HECW2: variants seen among roughly 807,000 people sequenced by gnomAD.
HECW2 encodes HECT, C2 and WW domain containing E3 ubiquitin protein ligase 2, also known as E3 ubiquitin-protein ligase HECW2.
In HECW2, 61 loss-of-function variants were observed where a neutral mutation model predicts 175.2. That is an observed-to-expected ratio of 0.35 (90% CI 0.28 to 0.43). The LOEUF (loss-of-function observed/expected upper bound fraction) is 0.43. HECW2 is among the 20% of genes least tolerant of loss of function. The probability of loss-of-function intolerance (pLI) is 1.00; values close to 1 mark genes in which losing one functional copy is unlikely to be tolerated. For missense variants in HECW2, 1,524 were observed against 2,000.5 expected, an observed-to-expected ratio of 0.76 and a Z score of 4.54; for synonymous variants, 671 against 731.0, an observed-to-expected ratio of 0.92 and a Z score of 1.32.
At chr2:196,534,324 G>A (rs1688946592) in intron 1 of HECW2, among the ~76,000 whole-genome samples, 1 of 151,946 alleles carries the variant, frequency 6.6e-6, no homozygotes, top group South Asian at 2.1e-4. Context: ...CTTCAACTAT[G>A]TAGCCCTTCC....
intron 1 of HECW2, among the ~76,000 whole-genome samples, chr2:196,548,093 G>T (rs1484851113): frequency 6.6e-6 from 1 of 152,106 alleles, no homozygotes; most frequent in Non-Finnish European, 1.5e-5. Context: ...ACTTTGGGAG[G>T]CTAAGATGGG....
chr2:196,503,581 C>T (rs934745127), intron 1 of HECW2, among the ~76,000 whole-genome samples: 2 of 152,110 alleles, frequency 1.3e-5, no homozygotes, highest in African/African-American at 4.8e-5. Flanking sequence ...CTCACCCAGT[C>T]GGCCAATAGC....
intron 2 of HECW2, among the ~76,000 whole-genome samples, chr2:196,374,039 A>AAAAAG (rs1559074047): frequency 7.5e-6 from 1 of 132,760 alleles, no homozygotes; most frequent in African/African-American, 3.5e-5. Context: ...CTCAAAAAAA[A>AAAAAG]TAAAATAAAA....
At chr2:196,546,520 T>G (rs1228578954) in intron 1 of HECW2, among the ~76,000 whole-genome samples, 2 of 152,218 alleles carry the variant, frequency 1.3e-5, no homozygotes, top group Admixed American at 6.5e-5. Context: ...AGAAATCTGG[T>G]GTGTGACTTC....
At chr2:196,301,796 T>C (rs916599018) in intron 13 of HECW2, among the ~76,000 whole-genome samples, 4 of 151,934 alleles carry the variant, frequency 2.6e-5, no homozygotes, top group African/African-American at 7.3e-5. Flanking sequence ...CTTTGTCACA[T>C]GGACAGACTA....
chr2:196,386,450 C>G (rs1435698856), intron 2 of HECW2, among the ~76,000 whole-genome samples: 4 of 152,120 alleles, frequency 2.6e-5, no homozygotes, highest in Non-Finnish European at 5.9e-5. Flanking sequence ...TGCTAACATG[C>G]TTGAGAAGCA....
At position 196,562,134 on chromosome 2, in the gene HECW2, T is replaced by C. The variant is rs1696232370; in HGVS notation, c.-36+31374A>G. On this transcript the variant is annotated intron_variant, in intron 1 of 28. Coordinates refer to ENST00000644978, the MANE Select transcript of HECW2 (RefSeq NM_001348768.2). ...CCTAAATAATGATACGCTGAATAGA[T>C]TTGCAGGTGGTTAAGCAGAATATCC... 2.0e-5 allele frequency among the ~76,000 whole-genome samples: 3 copies of C among 152,160 alleles called. No individual in the cohort carries two copies. The South Asian group carries it at 6.2e-4, about 32-fold the overall frequency.
chr2:196,253,886 C>T, intron 19 of HECW2, 34 bp downstream of exon 19: 1 of 1,600,406 alleles, frequency 6.2e-7, no homozygotes, highest in Non-Finnish European at 8.6e-7. Flanking sequence ...GTTCACTCCT[C>T]AGAGAATTCA....
chr2:196,225,008 C>T (rs112631873), intron 23 of HECW2, among the ~76,000 whole-genome samples: 240 of 152,240 alleles, frequency 1.6e-3, no homozygotes, highest in African/African-American at 5.0e-3. Flanking sequence ...TAAGCAAGTG[C>T]GTGGCCTCAG....
At chr2:196,576,513 C>A (rs548639043) in intron 1 of HECW2, among the ~76,000 whole-genome samples, 13 of 152,148 alleles carry the variant, frequency 8.5e-5, no homozygotes, top group Non-Finnish European at 1.9e-4. Flanking sequence ...AACAGTCCAA[C>A]TCAGACGCAC....
At chr2:196,460,877 G>A (rs780661461) in intron 1 of HECW2, among the ~76,000 whole-genome samples, 12 of 145,808 alleles carry the variant, frequency 8.2e-5, no homozygotes, top group Non-Finnish European at 3.0e-5. Context: ...CTCCTACCTC[G>A]GACTCCCAAA....
chr2:196,562,589 C>G (rs932217660), intron 1 of HECW2, among the ~76,000 whole-genome samples: 1 of 152,186 alleles, frequency 6.6e-6, no homozygotes, highest in African/African-American at 2.4e-5. Flanking sequence ...AAACCCCAGC[C>G]TTATCACTGC....
intron 5 of HECW2, among the ~76,000 whole-genome samples, chr2:196,328,851 A>C (rs1184299777): frequency 6.6e-6 from 1 of 152,198 alleles, no homozygotes; most frequent in Non-Finnish European, 1.5e-5. Flanking sequence ...AAACTTTTTC[A>C]ACAGTGTCCT....
chr2:196,222,001 C>A (rs982175991), intron 24 of HECW2, among the ~76,000 whole-genome samples: 1 of 152,202 alleles, frequency 6.6e-6, no homozygotes, highest in Non-Finnish European at 1.5e-5. Flanking sequence ...ACAGTTATCA[C>A]CATCTGTAAT....
chr2:196,479,441 T>C (rs1217024861), intron 1 of HECW2, among the ~76,000 whole-genome samples: 1 of 152,302 alleles, frequency 6.6e-6, no homozygotes, highest in South Asian at 2.1e-4. Flanking sequence ...AGTTCTTCCT[T>C]GTGCAGGGAT....
chr2:196,563,282 C>A (rs1227713012), intron 1 of HECW2, among the ~76,000 whole-genome samples: 1 of 151,814 alleles, frequency 6.6e-6, no homozygotes, highest in African/African-American at 2.4e-5. Flanking sequence ...ATATTCATTC[C>A]TGGCTGGGCA....
At chr2:196,345,164 C>T (rs909029834) in intron 2 of HECW2, among the ~76,000 whole-genome samples, 1 of 152,150 alleles carries the variant, frequency 6.6e-6, no homozygotes, top group Non-Finnish European at 1.5e-5. Flanking sequence ...ATAAACAATG[C>T]GAGCAAACAA....
At chr2:196,242,682 C>CT (rs1157719695) in intron 19 of HECW2, 1,208 of 86,616 alleles carry the variant, frequency 0.014, 7 homozygotes, top group Non-Finnish European at 0.017. Flanking sequence ...CCTCATGAAA[C>CT]TTTTTTTTTT....
At position 196,307,213 on chromosome 2, in the gene HECW2, G is replaced by C; in HGVS notation, c.2606C>G (p.Thr869Ser). Residue 869 changes from threonine (T) to serine (S), a missense_variant, in exon 12 of 29, where the codon ACC becomes AGC. Physicochemically the swap from Thr to Ser is moderately conservative, Grantham distance 58. Coordinates refer to ENST00000644978, the MANE Select transcript of HECW2 (RefSeq NM_001348768.2). ...TTCCTCAGGCCTCTCATTGGTCATG[G>C]TTCTGCGGATACTCTGATATCTAAA... Reference protein sequence around the residue: ...LNRRYQSIRRTMTNERPEENT... With the variant: ...LNRRYQSIRRSMTNERPEENT... 6.2e-7 allele frequency: 1 copy of C among 1,612,336 alleles called. No individual in the cohort carries two copies.
Sources: allele counts gnomAD v4.1 joint callset (sites outside exome capture counted in the v4.1 genomes callset), GRCh38; gene constraint gnomAD v4.1.1; transcripts MANE v1.5; gene names NCBI Gene and HGNC (gene_info 2026-07-23, HGNC 2026-07-21).